Variants in BICRA observed in about 807,000 individuals in gnomAD.
BICRA encodes BRD4-interacting chromatin-remodeling complex-associated protein.
In BICRA, 31 loss-of-function variants were observed where a neutral mutation model predicts 96.9. The ratio of observed to expected loss-of-function variants is 0.32; its 90% CI spans 0.24 to 0.43. The LOEUF is 0.43. Among genes scored for constraint, BICRA ranks in the 20% least tolerant of loss-of-function variants. The pLI is 1.00. For missense variants in BICRA, 2,283 were observed against 2,190.3 expected (o/e 1.04, Z -0.84); for synonymous variants, 1,350 against 1,071.8 (o/e 1.26, Z -5.07).
At position 47,680,052 on chromosome 19, in the gene BICRA, G is replaced by C. The variant is rs755617442; in HGVS notation, c.882G>C (p.Ser294=). 1.8e-5 allele frequency: 28 copies of C among 1,556,868 alleles called. No homozygotes were observed. The East Asian group carries it at 5.5e-4, about 31-fold the overall frequency. Residue 294 remains serine (S), a synonymous_variant, in exon 6 of 15, where the codon TCG becomes TCC. Transcript: ENST00000594866. ...GCCTGGTCATCCAGAAGAACCTCTC[G>C]GCCGCTGTGGCCACCACGCTCAATG... ...GAGLVIQKNL[S]AAVATTLNGN... is the part of the protein sequence containing the mutation.
At chr19:47,671,857 G>T (rs996500352) in intron 2 of BICRA, among the ~76,000 whole-genome samples, 2 of 144,616 alleles carry the variant, frequency 1.4e-5, no homozygotes, top group Non-Finnish European at 3.0e-5. Flanking sequence ...GGAGGGATGG[G>T]TAGGTAGATG....
intron 1 of BICRA, among the ~76,000 whole-genome samples, chr19:47,641,894 A>C (rs568797050): frequency 5.3e-5 from 8 of 152,294 alleles, no homozygotes; most frequent in African/African-American, 1.9e-4. Context: ...CATGTATCAT[A>C]GTTGTCAGTG....
intron 1 of BICRA, among the ~76,000 whole-genome samples, chr19:47,656,297 A>G (rs1457099955): frequency 6.6e-6 from 1 of 152,148 alleles, no homozygotes; most frequent in African/African-American, 2.4e-5. Context: ...TTTCAGAGAA[A>G]ATACACGTAT....
chr19:47,657,581 A>G (rs1195783995), intron 1 of BICRA, among the ~76,000 whole-genome samples: 2 of 151,662 alleles, frequency 1.3e-5, no homozygotes, highest in Non-Finnish European at 2.9e-5. Context: ...TATTTTTAGT[A>G]AAGACGGAGT....
At chr19:47,695,344 C>CCG in intron 9 of BICRA, 21 bp from the exon 10 acceptor site, 2 of 513,696 alleles carry the variant, frequency 3.9e-6, no homozygotes, top group South Asian at 4.1e-5. Context: ...GCCCTGTCTC[C>CCG]CCCACCCCAC....
intron 1 of BICRA, among the ~76,000 whole-genome samples, chr19:47,616,714 C>G (rs1468869540): frequency 1.3e-5 from 2 of 152,010 alleles, no homozygotes; most frequent in Non-Finnish European, 2.9e-5. Context: ...AGCTTCCCCG[C>G]TTTGGGTGTT....
chr19:47,695,342 T>TCGGGGGGG, intron 9 of BICRA, 23 bp from the exon 10 acceptor site: 6 of 630,176 alleles, frequency 9.5e-6, no homozygotes, highest in Non-Finnish European at 1.7e-5. Flanking sequence ...AGGCCCTGTC[T>TCGGGGGGG]CCCCCACCCC....
In BICRA at chr19:47,681,127, C is replaced by T. The variant is rs755526837; in HGVS notation, c.1957C>T (p.Pro653Ser). The change falls in exon 6 of 15, where the codon CCA becomes TCA. Residue 653 changes from proline to serine, a missense_variant. Transcript: ENST00000594866. The stretch of plus-strand genomic sequence containing the variant: ...GCAGCAGCCCCCGCAGGCCCCCACC[C>T]CACAGGCCGCCGCCCCGCCTCAGGC... ...QAQQPPQAPT[P>S]QAAAPPQATT... 1.3e-6 allele frequency: 2 copies of T among 1,500,508 alleles called. No homozygotes were observed. Among genetic ancestry groups the T allele is most frequent in the South Asian group, 1.2e-5 (1 of 82,404 alleles). The allele number at this position is 1,500,508 out of a possible 1,614,324, so 92.9% of individuals were successfully genotyped here.
intron 1 of BICRA, among the ~76,000 whole-genome samples, chr19:47,660,947 C>T (rs1015006128): frequency 9.9e-5 from 15 of 152,152 alleles, no homozygotes; most frequent in Non-Finnish European, 7.3e-5. Flanking sequence ...TGGTGGCTCA[C>T]GCCTCTAATC....
At chr19:47,638,148 C>G (rs1169867990) in intron 1 of BICRA, among the ~76,000 whole-genome samples, 1 of 152,140 alleles carries the variant, frequency 6.6e-6, no homozygotes, top group African/African-American at 2.4e-5. Context: ...TGTATCTCCC[C>G]CTCCCCCAGC....
At chr19:47,659,783 T>C (rs1972678203) in intron 1 of BICRA, among the ~76,000 whole-genome samples, 1 of 151,950 alleles carries the variant, frequency 6.6e-6, no homozygotes, top group Admixed American at 6.6e-5. Context: ...AGGGTCTCCC[T>C]CTGTCACCCA....
intron 1 of BICRA, among the ~76,000 whole-genome samples, chr19:47,625,871 G>A (rs923323575): frequency 5.9e-5 from 9 of 152,076 alleles, no homozygotes; most frequent in African/African-American, 1.9e-4. Flanking sequence ...CCGGGGGCAC[G>A]GGGAGCTGGT....
chr19:47,689,601 A>G lies in BICRA; in HGVS notation c.2284-4514A>G, dbSNP rs185661750. On this transcript the variant is annotated intron_variant, in intron 7 of 14. Transcript: ENST00000594866. ...TAATTTCTGTATTTTTAGTAGAGAC[A>G]GGGTTTCGCCATGTTGGCCAGGCTG... 8.6e-5 allele frequency among the ~76,000 whole-genome samples: 13 copies of G among 151,888 alleles called. No individual in the cohort carries two copies. In the East Asian group the frequency reaches 2.5e-3, roughly 30 times the overall value.
At chr19:47,609,364 G>A (rs1195854358) in intron 1 of BICRA, among the ~76,000 whole-genome samples, 196 bp downstream of exon 1, 2 of 134,808 alleles carry the variant, frequency 1.5e-5, no homozygotes, top group African/African-American at 5.6e-5. Flanking sequence ...GGGGCGCAGC[G>A]CCCGCTGCCT....
intron 7 of BICRA, among the ~76,000 whole-genome samples, chr19:47,687,913 AGAT>A (rs1050420050): frequency 8.6e-5 from 13 of 151,942 alleles, no homozygotes; most frequent in Non-Finnish European, 1.6e-4. Context: ...TGCCAGACGT[AGAT>A]GATAAGCTTT....
intron 1 of BICRA, among the ~76,000 whole-genome samples, chr19:47,621,290 C>T (rs2123510264): frequency 1.3e-5 from 2 of 152,068 alleles, no homozygotes; most frequent in Middle Eastern, 6.8e-3. Flanking sequence ...AAGTCCTGTC[C>T]CACCCTGCAG....
chr19:47,636,044 CTA>C (rs1212328760), intron 1 of BICRA, among the ~76,000 whole-genome samples: 13 of 152,258 alleles, frequency 8.5e-5, no homozygotes, highest in Non-Finnish European at 8.8e-5. Context: ...TACCTTCAGA[CTA>C]TGTGTATAAA....
At chr19:47,690,470 A>G (rs1973224485) in intron 7 of BICRA, among the ~76,000 whole-genome samples, 1 of 152,190 alleles carries the variant, frequency 6.6e-6, no homozygotes, top group South Asian at 2.1e-4. Flanking sequence ...GGCAGTATAT[A>G]CAAGCATCTT....
Position 47,623,943 on chromosome 19 carries a change from C to T in BICRA, c.-108+14775C>T, listed in dbSNP as rs541790458. Among the ~76,000 whole-genome samples, 95 of 151,480 alleles carry T rather than the reference C, an allele frequency of 6.3e-4. 1 individual carries two copies. The highest frequency in any genetic ancestry group is 2.1e-3 in the African/African-American group (88 of 41,186). On this transcript the variant is annotated intron_variant, in intron 1 of 14. Transcript: ENST00000594866. ...CTTGGCTCACCGCAACCTCTGCCTT[C>T]GGCGTTCAAGAGATTCTCGTGCCTC...
Sources: allele counts gnomAD v4.1 joint callset (sites outside exome capture counted in the v4.1 genomes callset), GRCh38; gene constraint gnomAD v4.1.1; transcripts MANE v1.5; gene names NCBI Gene and HGNC (gene_info 2026-07-23, HGNC 2026-07-21).